ZNF337: variants seen among roughly 807,000 people sequenced by gnomAD.
ZNF337 encodes zinc finger protein 337.
A neutral mutation model predicts 12.1 loss-of-function variants in ZNF337; 8 were observed. The observed-to-expected ratio is 0.66, with a 90% CI of 0.39 to 1.19. The LOEUF (loss-of-function observed/expected upper bound fraction) is 1.19. Ranked by LOEUF, ZNF337 falls within the 50% of genes most tolerant of loss-of-function variation. ZNF337 has a pLI of 0.01. For synonymous variants in ZNF337, 336 were observed against 320.0 expected (o/e 1.05, Z -0.53); for missense variants, 882 against 896.6 (o/e 0.98, Z 0.21).
At chr20:25,696,673 C>A (rs1374105161) in intron 1 of ZNF337, 86 bp downstream of exon 1, 26 of 899,560 alleles carry the variant, frequency 2.9e-5, no homozygotes, top group Non-Finnish European at 3.5e-5. Context: ...GCCCCAGCAG[C>A]GCCCTCACGT....
intron 1 of ZNF337, among the ~76,000 whole-genome samples, chr20:25,691,363 T>C (rs560086997): frequency 1.2e-4 from 18 of 152,312 alleles, no homozygotes; most frequent in Non-Finnish European, 2.4e-4. Flanking sequence ...AAGATGCTGA[T>C]AGATTACTGA....
intron 4 of ZNF337, among the ~76,000 whole-genome samples, chr20:25,679,258 T>C (rs919079971): frequency 6.6e-6 from 1 of 152,200 alleles, no homozygotes; most frequent in African/African-American, 2.4e-5. Flanking sequence ...TGGCCTAAAC[T>C]AGCCATATTT....
Position 25,676,154 on chromosome 20 carries a change from G to T in ZNF337, c.1134C>A (p.Cys378Ter). 1.2e-6 allele frequency: 2 copies of T among 1,611,058 alleles called. No individual in the cohort carries two copies. The highest frequency in any genetic ancestry group is 2.2e-5 in the South Asian group (2 of 90,678). Residue 378 changes from cysteine to a stop codon, truncating the protein, a stop_gained, in exon 5 of 5, where the codon TGC becomes TGA. Coordinates refer to ENST00000252979, the MANE Select transcript of ZNF337 (RefSeq NM_015655.4). LOFTEE classifies it low-confidence loss of function (END_TRUNC). ...CGCTAAAACTTTGCTTACACTGCCT[G>T]CACGCAAAGGGCTTCTCCCCTGAGT... ...RTHSGEKPFA[C>*]RQCKQSFSVK...
intron 1 of ZNF337, among the ~76,000 whole-genome samples, chr20:25,691,340 T>C (rs1569016594): frequency 6.6e-6 from 1 of 152,182 alleles, no homozygotes; most frequent in Non-Finnish European, 1.5e-5. Flanking sequence ...TGGACATATA[T>C]ATGGGTGTCT....
intron 1 of ZNF337, among the ~76,000 whole-genome samples, chr20:25,693,792 C>G (rs1478907786): frequency 6.6e-6 from 1 of 152,166 alleles, no homozygotes; most frequent in Admixed American, 6.5e-5. Flanking sequence ...TAAGAAGTCC[C>G]CACCTGGGGT....
chr20:25,683,917 A>G (rs73597829), intron 4 of ZNF337, among the ~76,000 whole-genome samples: 25,715 of 151,784 alleles, frequency 0.17, 4,796 homozygotes, highest in African/African-American at 0.47. Flanking sequence ...TGTTTATTGC[A>G]GCACTATACA....
At chr20:25,696,050 A>C (rs2065922825) in intron 1 of ZNF337, among the ~76,000 whole-genome samples, 1 of 139,112 alleles carries the variant, frequency 7.2e-6, no homozygotes. Context: ...GGGTCCCCAC[A>C]GCCACCTCAC....
chr20:25,676,272 T>C lies in ZNF337; in HGVS notation c.1016A>G (p.Lys339Arg). Residue 339 changes from lysine (K) to arginine (R), a missense_variant, in exon 5 of 5, where the codon AAG (lysine) becomes AGG (arginine). Coordinates refer to ENST00000252979, the MANE Select transcript of ZNF337 (RefSeq NM_015655.4). The part of the protein sequence containing the change: ...YTNKSYFVVH[K>R]RIHSGEKPYR... Reference sequence around the variant, plus strand: ...AGGCTTCTCTCCTGAGTGTATTCTCTTGTGCACAACGAAGTATGACTTATT... The same window carrying C: ...AGGCTTCTCTCCTGAGTGTATTCTCCTGTGCACAACGAAGTATGACTTATT... The C allele has an allele frequency of 1.2e-6, 2 of 1,613,866 alleles. No homozygotes were observed. Among genetic ancestry groups the C allele is most frequent in the Non-Finnish European group, 1.7e-6 (2 of 1,179,988 alleles).
At position 25,676,337 on chromosome 20, in the gene ZNF337, C is replaced by T. The variant is rs763127807; in HGVS notation, c.951G>A (p.Glu317=). Residue 317 remains glutamate (E), a synonymous_variant, in exon 5 of 5, where the codon GAG becomes GAA. Transcript: ENST00000252979. The part of the protein sequence containing the change: ...YNKHLKAHSG[E]KPFVCKECGR... ...CACACTCCTTGCACACAAAAGGCTT[C>T]TCCCCTGAATGCGCCTTCAAGTGCT... 5.8e-5 allele frequency: 94 copies of T among 1,614,080 alleles called. No individual in the cohort carries two copies. The highest frequency in any genetic ancestry group is 8.3e-5 in the Admixed American group (5 of 59,998).
At chr20:25,677,658 CA>C (rs1348627876) in intron 4 of ZNF337, 1 of 152,134 alleles carries the variant, frequency 6.6e-6, no homozygotes, top group Non-Finnish European at 1.5e-5. Flanking sequence ...CTCAACTTTC[CA>C]AATAGCTAGA....
Position 25,696,788 on chromosome 20 carries a change from G to A in ZNF337, c.-79C>T. The stretch of plus-strand genomic sequence containing the variant: ...GCGGCTGAGGGCGAACCGAGGCGGT[G>A]AGGTCACCGATGGTGGACCACGCAT... On this transcript the variant is annotated 5_prime_UTR_variant, in exon 1 of 5. Transcript: ENST00000252979. The A allele has an allele frequency of 1.0e-6, 1 of 985,530 alleles. No individual in the cohort carries two copies. Among genetic ancestry groups the A allele is most frequent in the Middle Eastern group, 5.2e-4 (1 of 1,914 alleles). The allele number at this position is 985,530 out of a possible 1,614,324, so 61.0% of individuals were successfully genotyped here. A position where few individuals can be genotyped will look rare whatever the true frequency, so the allele number is the denominator to read the frequency against.
At chr20:25,696,561 G>T (rs918178483) in intron 1 of ZNF337, among the ~76,000 whole-genome samples, 198 bp downstream of exon 1, 1 of 152,204 alleles carries the variant, frequency 6.6e-6, no homozygotes, top group Admixed American at 6.5e-5. Flanking sequence ...GACCCGGGGC[G>T]CTCGGCAAGC....
Position 25,675,397 on chromosome 20 carries a change from T to A in ZNF337, c.1891A>T (p.Lys631Ter). The stretch of plus-strand genomic sequence containing the variant: ...CAGTTGAAGCCTCGCCCACACTCCT[T>A]GCATACAAAAGGCTGCTTGCCAGAA... ...AHSGKQPFVC[K>*]ECGRGFNWKG... The change falls in exon 5 of 5, where the codon AAG (lysine) becomes TAG (stop). Residue 631 changes from lysine to a stop codon, truncating the protein, a stop_gained. Coordinates refer to ENST00000252979, the MANE Select transcript of ZNF337 (RefSeq NM_015655.4). LOFTEE classifies it low-confidence loss of function (END_TRUNC). 6.2e-7 allele frequency: 1 copy of A among 1,613,860 alleles called. No individual in the cohort carries two copies. The highest frequency in any genetic ancestry group is 1.1e-5 in the South Asian group (1 of 91,066).
chr20:25,673,310 C>G lies in ZNF337; in HGVS notation c.*1722G>C, dbSNP rs1030340183. On this transcript the variant is annotated 3_prime_UTR_variant, in exon 5 of 5. Transcript: ENST00000252979. Reference sequence around the variant, plus strand: ...GTTATGGAAGTTGAAGGGCAAGCATCACAAATACCATTTACAAAAGGATAG... The same window carrying G: ...GTTATGGAAGTTGAAGGGCAAGCATGACAAATACCATTTACAAAAGGATAG... Among the ~76,000 whole-genome samples the G allele has an allele frequency of 6.6e-6, 1 of 152,206 alleles. No homozygotes were observed. Among genetic ancestry groups the G allele is most frequent in the East Asian group, 1.9e-4 (1 of 5,202 alleles).
At chr20:25,685,412 C>T (rs2065818999) in intron 4 of ZNF337, among the ~76,000 whole-genome samples, 155 bp downstream of exon 4, 1 of 152,140 alleles carries the variant, frequency 6.6e-6, no homozygotes, top group African/African-American at 2.4e-5. Flanking sequence ...GAGAACCTCT[C>T]ACTCAGCAAG....
At chr20:25,691,681 G>A (rs1410843320) in intron 1 of ZNF337, among the ~76,000 whole-genome samples, 1 of 152,140 alleles carries the variant, frequency 6.6e-6, no homozygotes, top group Non-Finnish European at 1.5e-5. Context: ...AATGGGGGTG[G>A]GGAGGGTAGC....
In ZNF337 at chr20:25,676,081, G is replaced by T; in HGVS notation, c.1207C>A (p.Pro403Thr). 6.2e-7 allele frequency: 1 copy of T among 1,614,120 alleles called. No individual in the cohort carries two copies. Among genetic ancestry groups the T allele is most frequent in the South Asian group, 1.1e-5 (1 of 91,076 alleles). ...CGCTCACAATCCTTGCACACAAAAGGCTTCTCCCCTGAGTGTGTTCTCTGG... is the reference window on the plus strand; with the variant it reads ...CGCTCACAATCCTTGCACACAAAAGTCTTCTCCCCTGAGTGTGTTCTCTGG... ...RHQRTHSGEKPFVCKDCERSF... is the reference protein window; with the variant it reads ...RHQRTHSGEKTFVCKDCERSF... Residue 403 changes from proline (P) to threonine (T), a missense_variant, in exon 5 of 5, where the codon CCT (proline) becomes ACT (threonine). Physicochemically the swap from Pro to Thr is conservative, Grantham distance 38. Coordinates refer to ENST00000252979, the MANE Select transcript of ZNF337 (RefSeq NM_015655.4).
intron 1 of ZNF337, among the ~76,000 whole-genome samples, chr20:25,694,408 T>A (rs570979233): frequency 2.0e-5 from 3 of 152,154 alleles, no homozygotes; most frequent in Admixed American, 2.0e-4. Context: ...TAGGAGGGGA[T>A]CTGGGTCAAG....
intron 1 of ZNF337, among the ~76,000 whole-genome samples, chr20:25,689,172 C>T (rs1600449739): frequency 1.4e-5 from 2 of 143,170 alleles, no homozygotes; most frequent in East Asian, 2.0e-4. Flanking sequence ...GGTGTGGTGG[C>T]GAGCGCCTGT....
Sources: gnomAD v4.1 joint callset for allele counts (sites outside exome capture counted in the v4.1 genomes callset) on GRCh38, gnomAD v4.1.1 for gene constraint, MANE v1.5 for transcripts, NCBI Gene and HGNC (gene_info 2026-07-23, HGNC 2026-07-21) for gene names.